FBXL7: variants seen among roughly 807,000 people sequenced by gnomAD.
The protein encoded by FBXL7 is F-box and leucine rich repeat protein 7.
A neutral mutation model predicts 38.3 loss-of-function variants in FBXL7; 12 were observed. The observed-to-expected ratio is 0.31, with a 90% CI of 0.20 to 0.51. The LOEUF (loss-of-function observed/expected upper bound fraction) is 0.51. FBXL7 is among the 20% of genes least tolerant of loss of function. The probability of loss-of-function intolerance (pLI) is 0.98; values close to 1 mark genes in which losing one functional copy is unlikely to be tolerated. For missense variants in FBXL7, 567 were observed against 676.4 expected (o/e 0.84, Z 1.79); for synonymous variants, 297 against 300.9 (o/e 0.99, Z 0.13).
chr5:15,916,024 C>A (rs1741574392), intron 2 of FBXL7, among the ~76,000 whole-genome samples: 1 of 152,092 alleles, frequency 6.6e-6, no homozygotes, highest in South Asian at 2.1e-4. Flanking sequence ...AATGGTGATG[C>A]CACTAATGAT....
In FBXL7 at chr5:15,617,467, ATTT is replaced by A. The variant is rs1261728062; in HGVS notation, c.127+1396_127+1398del. Among the ~76,000 whole-genome samples the A allele has an allele frequency of 7.4e-5, 9 of 122,388 alleles. No homozygotes were observed. In the East Asian group the frequency reaches 2.2e-3, roughly 30 times the overall value. The allele number at this position is 122,388 out of a possible 152,430, so 80.3% of individuals were successfully genotyped here. A position where few individuals can be genotyped will look rare whatever the true frequency, so the allele number is the denominator to read the frequency against. The stretch of plus-strand genomic sequence containing the variant: ...TATTTATTTATTTATTTATTTATTT[ATTT>A]ATTTGAGATGGAGTCTCACTCTTTT... On this transcript the variant is annotated intron_variant, in intron 2 of 3. Coordinates refer to ENST00000504595, the MANE Select transcript of FBXL7 (RefSeq NM_012304.5).
chr5:15,537,642 G>T (rs76755607), intron 1 of FBXL7, among the ~76,000 whole-genome samples: 3 of 152,238 alleles, frequency 2.0e-5, no homozygotes, highest in South Asian at 4.1e-4. Context: ...GTCCCCGAAG[G>T]GGGAGGGCTC....
intron 2 of FBXL7, among the ~76,000 whole-genome samples, chr5:15,738,867 G>A (rs948478150): frequency 8.5e-5 from 13 of 152,234 alleles, no homozygotes; most frequent in Admixed American, 2.6e-4. Context: ...TTTTCCTTGA[G>A]GAAAACCAAA....
chr5:15,649,825 T>C (rs944459065), intron 2 of FBXL7, among the ~76,000 whole-genome samples: 4 of 152,174 alleles, frequency 2.6e-5, no homozygotes, highest in Non-Finnish European at 4.4e-5. Flanking sequence ...CTCTAATTTC[T>C]TTGACTTTGG....
At chr5:15,736,450 G>T (rs930360156) in intron 2 of FBXL7, among the ~76,000 whole-genome samples, 1 of 152,200 alleles carries the variant, frequency 6.6e-6, no homozygotes, top group East Asian at 1.9e-4. Context: ...TTACAATATT[G>T]TTTATACAAC....
chr5:15,682,299 A>C (rs1742866847), intron 2 of FBXL7, among the ~76,000 whole-genome samples: 1 of 152,190 alleles, frequency 6.6e-6, no homozygotes. Context: ...CTCTGTTCAC[A>C]TTCCATTGGC....
rs1738062578 is a variant in FBXL7 at position 15,551,331 on chromosome 5, C to CAAG, written c.37+50618_37+50619insAAG. On this transcript the variant is annotated intron_variant, in intron 1 of 3. Transcript: ENST00000504595. ...TAGGCAGCAACGTTTGAATAGTTCC[C>CAAG]CTTTCAAGGCAGAAAGCCTCTGTTC... Among the ~76,000 whole-genome samples the CAAG allele has an allele frequency of 1.8e-4, 27 of 152,286 alleles. No individual in the cohort carries two copies. The South Asian group carries it at 5.2e-3, about 29-fold the overall frequency.
At chr5:15,575,305 CTTAT>C (rs986815751) in intron 1 of FBXL7, among the ~76,000 whole-genome samples, 3 of 152,088 alleles carry the variant, frequency 2.0e-5, no homozygotes, top group African/African-American at 7.2e-5. Context: ...TTTTTGTGGA[CTTAT>C]TTATTTACTT....
intron 2 of FBXL7, among the ~76,000 whole-genome samples, chr5:15,776,622 T>C (rs531867688): frequency 6.6e-6 from 1 of 152,216 alleles, no homozygotes; most frequent in Admixed American, 6.6e-5. Context: ...GCTCAACATA[T>C]GTGATGGTGA....
chr5:15,897,379 G>T (rs979604041), intron 2 of FBXL7, among the ~76,000 whole-genome samples: 1 of 152,184 alleles, frequency 6.6e-6, no homozygotes, highest in Non-Finnish European at 1.5e-5. Context: ...TTCTGTAGAT[G>T]TTGGAAAATA....
At chr5:15,763,633 A>G (rs1445595853) in intron 2 of FBXL7, among the ~76,000 whole-genome samples, 1 of 152,194 alleles carries the variant, frequency 6.6e-6, no homozygotes. Flanking sequence ...TCTACATCAG[A>G]GCATTATTTT....
intron 2 of FBXL7, among the ~76,000 whole-genome samples, chr5:15,631,398 A>G (rs1225772741): frequency 6.6e-6 from 1 of 152,144 alleles, no homozygotes; most frequent in African/African-American, 2.4e-5. Flanking sequence ...CATTTATTAA[A>G]TATTGAAGAA....
At chr5:15,734,232 T>C (rs905255553) in intron 2 of FBXL7, among the ~76,000 whole-genome samples, 1 of 152,212 alleles carries the variant, frequency 6.6e-6, no homozygotes, top group African/African-American at 2.4e-5. Flanking sequence ...ACAGGCCTCT[T>C]CCTCATTCCC....
At chr5:15,713,858 G>C (rs754123142) in intron 2 of FBXL7, among the ~76,000 whole-genome samples, 9 of 152,188 alleles carry the variant, frequency 5.9e-5, no homozygotes, top group Non-Finnish European at 1.2e-4. Flanking sequence ...ATGATAAAAA[G>C]TCTCTATTAT....
chr5:15,694,824 T>A (rs1743285157), intron 2 of FBXL7, among the ~76,000 whole-genome samples: 2 of 152,214 alleles, frequency 1.3e-5, no homozygotes, highest in South Asian at 4.1e-4. Context: ...AAAAAAAGAT[T>A]CTGGATGGAC....
intron 1 of FBXL7, among the ~76,000 whole-genome samples, chr5:15,575,609 C>T (rs1437715328): frequency 1.3e-5 from 2 of 152,184 alleles, no homozygotes; most frequent in African/African-American, 2.4e-5. Flanking sequence ...TGTTCCTTTA[C>T]TTTAAAACAT....
intron 2 of FBXL7, among the ~76,000 whole-genome samples, chr5:15,880,652 A>G (rs1458149894): frequency 6.6e-6 from 1 of 150,458 alleles, no homozygotes; most frequent in Non-Finnish European, 1.5e-5. Context: ...TTGCAAACAA[A>G]AAACCTGGCC....
intron 1 of FBXL7, among the ~76,000 whole-genome samples, chr5:15,598,362 T>TA (rs751833780): frequency 6.6e-6 from 1 of 152,214 alleles, no homozygotes. Flanking sequence ...AGTCTAAAAT[T>TA]AAAAAATGCT....
At chr5:15,579,574 A>G (rs1739072542) in intron 1 of FBXL7, among the ~76,000 whole-genome samples, 1 of 152,234 alleles carries the variant, frequency 6.6e-6, no homozygotes, top group Admixed American at 6.5e-5. Context: ...TCTGTTTATC[A>G]TTGTGTGGCA....
Sources: gnomAD v4.1 joint callset for allele counts (sites outside exome capture counted in the v4.1 genomes callset) on GRCh38, gnomAD v4.1.1 for gene constraint, MANE v1.5 for transcripts, NCBI Gene and HGNC (gene_info 2026-07-23, HGNC 2026-07-21) for gene names.